The following GLDN variants were observed in gnomAD, a reference collection of about 807,000 sequenced individuals.
GLDN encodes collomin.
GLDN carries 47 observed loss-of-function variants against 56.5 expected under a neutral mutation model. The ratio of observed to expected loss-of-function variants is 0.83; its 90% CI spans 0.66 to 1.06. The LOEUF (loss-of-function observed/expected upper bound fraction) is 1.06, where lower values mean the gene tolerates loss of function less well. Among genes scored for constraint, GLDN ranks in the 50% least tolerant of loss-of-function variants. The pLI is 0.00. For synonymous variants in GLDN, 332 were observed against 278.8 expected (o/e 1.19, Z -1.90); for missense variants, 782 against 714.3 (o/e 1.09, Z -1.08).
intron 9 of GLDN, 80 bp from the exon 10 acceptor site, chr15:51,404,197 G>T: frequency 8.8e-7 from 1 of 1,138,784 alleles, no homozygotes; most frequent in Non-Finnish European, 1.3e-6. Context: ...CACTAACTCA[G>T]TTTAATAGAG....
chr15:51,343,202 C>T (rs920042758), intron 1 of GLDN, among the ~76,000 whole-genome samples: 3 of 152,202 alleles, frequency 2.0e-5, no homozygotes, highest in East Asian at 3.8e-4. Context: ...AGCTGAAATG[C>T]TTTTAAAACT....
At chr15:51,347,713 T>C (rs748497874) in intron 1 of GLDN, among the ~76,000 whole-genome samples, 2 of 152,254 alleles carry the variant, frequency 1.3e-5, no homozygotes, top group Non-Finnish European at 2.9e-5. Context: ...AATCTCACCA[T>C]AGATTTTATC....
intron 5 of GLDN, among the ~76,000 whole-genome samples, 153 bp downstream of exon 5, chr15:51,395,134 A>C (rs1333641701): frequency 6.6e-6 from 1 of 152,214 alleles, no homozygotes; most frequent in Non-Finnish European, 1.5e-5. Context: ...ATGCTTTCAA[A>C]GAGGAGAAAC....
chr15:51,374,046 G>A (rs114104715), intron 1 of GLDN, among the ~76,000 whole-genome samples: 2,253 of 152,060 alleles, frequency 0.015, 66 homozygotes, highest in African/African-American at 0.051. Flanking sequence ...GCCCAATTTC[G>A]TTAAAAGACT....
At chr15:51,373,731 G>T (rs937152154) in intron 1 of GLDN, among the ~76,000 whole-genome samples, 3 of 152,210 alleles carry the variant, frequency 2.0e-5, no homozygotes, top group Non-Finnish European at 4.4e-5. Context: ...AGAGCACTGG[G>T]AGATGCCCTA....
chr15:51,353,725 A>C lies in GLDN; in HGVS notation c.363+11678A>C, dbSNP rs570697089. ...TCCTCGGATTTGATTAAAAAAAAAA[A>C]AAAAAAAAACCACAGTCAATTAAAA... On this transcript the variant is annotated intron_variant, in intron 1 of 9. Transcript: ENST00000335449. Among the ~76,000 whole-genome samples, 4 of 146,742 alleles carry C rather than the reference A, an allele frequency of 2.7e-5. No individual in the cohort carries two copies. In the South Asian group the frequency reaches 6.4e-4, roughly 23 times the overall value.
intron 1 of GLDN, among the ~76,000 whole-genome samples, chr15:51,373,988 C>G (rs972551633): frequency 6.6e-6 from 1 of 152,198 alleles, no homozygotes; most frequent in African/African-American, 2.4e-5. Flanking sequence ...TTTATGGCCA[C>G]ACCTTTTCAT....
At chr15:51,355,750 C>T (rs1378587745) in intron 1 of GLDN, among the ~76,000 whole-genome samples, 7 of 149,632 alleles carry the variant, frequency 4.7e-5, no homozygotes, top group East Asian at 4.2e-4. Context: ...GTCTTGATCT[C>T]CTGACTTTGT....
intron 2 of GLDN, among the ~76,000 whole-genome samples, chr15:51,382,746 G>T (rs543094870): frequency 3.7e-4 from 56 of 150,546 alleles, no homozygotes; most frequent in Non-Finnish European, 6.8e-4. Flanking sequence ...AAAAAGAAAA[G>T]AAAAGAAACA....
At chr15:51,398,053 ATTCTC>A (rs1193236344) in intron 6 of GLDN, among the ~76,000 whole-genome samples, 1 of 152,258 alleles carries the variant, frequency 6.6e-6, no homozygotes, top group African/African-American at 2.4e-5. Flanking sequence ...TGCTTATTTA[ATTCTC>A]ACAACAATCC....
intron 2 of GLDN, among the ~76,000 whole-genome samples, chr15:51,379,806 A>G (rs1019471920): frequency 1.3e-5 from 2 of 152,230 alleles, no homozygotes; most frequent in Non-Finnish European, 2.9e-5. Context: ...GGCCCAGTGC[A>G]AAATGAAAAT....
Position 51,375,894 on chromosome 15 carries a change from G to C in GLDN, c.364-1555G>C, listed in dbSNP as rs146862958. ...CTAGGCTCACCACCCCTTTTATTCA[G>C]GCCCAAAAATTGAGCCCTTCAGATG... On this transcript the variant is annotated intron_variant, in intron 1 of 9. Transcript: ENST00000335449. Among the ~76,000 whole-genome samples, 510 of 152,252 alleles carry C rather than the reference G, an allele frequency of 3.3e-3. 3 individuals carry two copies. Among genetic ancestry groups the C allele is most frequent in the African/African-American group, 0.011 (476 of 41,532 alleles).
chr15:51,412,041 G>C (rs1172670846), downstream of GLDN, among the ~76,000 whole-genome samples: 1 of 152,212 alleles, frequency 6.6e-6, no homozygotes, highest in Admixed American at 6.5e-5. Flanking sequence ...CATCAATGTT[G>C]TTCATGTTAT....
downstream of GLDN, among the ~76,000 whole-genome samples, chr15:51,408,576 A>G (rs1486981398): frequency 2.6e-5 from 4 of 152,072 alleles, no homozygotes; most frequent in Admixed American, 2.6e-4. Flanking sequence ...TCTAGTGTAC[A>G]TGTGCACAAC....
chr15:51,358,417 GACTC>G (rs2037227725), intron 1 of GLDN, among the ~76,000 whole-genome samples: 1 of 152,162 alleles, frequency 6.6e-6, no homozygotes, highest in African/African-American at 2.4e-5. Flanking sequence ...CCGAACCTAA[GACTC>G]ACTCTTAGAT....
chr15:51,359,152 C>G (rs1013293033), intron 1 of GLDN, among the ~76,000 whole-genome samples: 1 of 152,176 alleles, frequency 6.6e-6, no homozygotes, highest in Admixed American at 6.5e-5. Flanking sequence ...ATTGTGCCCC[C>G]TCCAAGCCGT....
chr15:51,344,610 A>G (rs2036944993), intron 1 of GLDN, among the ~76,000 whole-genome samples: 1 of 152,116 alleles, frequency 6.6e-6, no homozygotes, highest in African/African-American at 2.4e-5. Flanking sequence ...CCTTTTATAC[A>G]CCACCAGATC....
intron 4 of GLDN, among the ~76,000 whole-genome samples, chr15:51,387,732 T>A (rs896115264): frequency 2.0e-5 from 3 of 151,882 alleles, no homozygotes; most frequent in Non-Finnish European, 4.4e-5. Context: ...GAACAAGTGT[T>A]GTTTCCAAGA....
At position 51,406,947 on chromosome 15, in the gene GLDN, C is replaced by T. The variant is rs912059738; in HGVS notation, c.*2193C>T. ...GTTGCTGTTGCTGAATACAGGAGAC[C>T]AGGTTAGGAATATAGTTTCATAATA... is the stretch of plus-strand genomic sequence containing the variant. On this transcript the variant is annotated 3_prime_UTR_variant, in exon 10 of 10. Transcript: ENST00000335449. The T allele has an allele frequency of 2.0e-5, 3 of 152,052 alleles. No individual in the cohort carries two copies. The highest frequency in any genetic ancestry group is 4.4e-5 in the Non-Finnish European group (3 of 68,030). The allele number at this position is 152,052 out of a possible 1,614,324, so 9.4% of individuals were successfully genotyped here. A position where few individuals can be genotyped will look rare whatever the true frequency, so the allele number is the denominator to read the frequency against.
Sources: gnomAD v4.1 joint callset for allele counts (sites outside exome capture counted in the v4.1 genomes callset) on GRCh38, gnomAD v4.1.1 for gene constraint, MANE v1.5 for transcripts, NCBI Gene and HGNC (gene_info 2026-07-23, HGNC 2026-07-21) for gene names.